Variants in GALK2 observed in about 807,000 individuals in gnomAD.
The protein encoded by GALK2 is N-acetylgalactosamine kinase.
GALK2 carries 36 observed loss-of-function variants against 52.4 expected under a neutral mutation model. That is an observed-to-expected ratio of 0.69 (90% CI 0.53 to 0.91). The LOEUF is 0.91. GALK2 is among the 40% of genes least tolerant of loss of function. The probability of loss-of-function intolerance (pLI) is 0.00; values close to 1 mark genes in which losing one functional copy is unlikely to be tolerated. For missense variants in GALK2, 579 were observed against 559.1 expected (o/e 1.04, Z -0.36); for synonymous variants, 176 against 199.1 (o/e 0.88, Z 0.98).
intron 3 of GALK2, among the ~76,000 whole-genome samples, chr15:49,230,509 C>T (rs759829053): frequency 1.3e-5 from 2 of 152,192 alleles, no homozygotes; most frequent in Non-Finnish European, 2.9e-5. Context: ...TTCTCTCTTA[C>T]ATGATCTATT....
chr15:49,182,283 A>G (rs2086032623), intron 1 of GALK2, among the ~76,000 whole-genome samples: 1 of 152,212 alleles, frequency 6.6e-6, no homozygotes, highest in African/African-American at 2.4e-5. Flanking sequence ...CACTTAACAT[A>G]ATGTCCCCCA....
intron 8 of GALK2, chr15:49,318,177 A>G (rs556372619): frequency 6.6e-6 from 1 of 152,368 alleles, no homozygotes; most frequent in South Asian, 2.1e-4. Flanking sequence ...GCAACTGTTC[A>G]GCATGGGTGA....
chr15:49,322,434 AT>A (rs546452258), intron 9 of GALK2, among the ~76,000 whole-genome samples: 3 of 152,046 alleles, frequency 2.0e-5, no homozygotes, highest in Non-Finnish European at 4.4e-5. Flanking sequence ...TATATAATTA[AT>A]TTTTTCTTTG....
At chr15:49,313,733 T>C (rs2036181210) in intron 8 of GALK2, among the ~76,000 whole-genome samples, 2 of 152,208 alleles carry the variant, frequency 1.3e-5, no homozygotes, top group African/African-American at 4.8e-5. Flanking sequence ...GAACTGTTGG[T>C]TAACTTTTGC....
intron 3 of GALK2, among the ~76,000 whole-genome samples, chr15:49,230,606 C>T (rs1346772558): frequency 1.3e-5 from 2 of 152,114 alleles, no homozygotes; most frequent in East Asian, 1.9e-4. Flanking sequence ...TCTGTGCCTC[C>T]GACTTCATAT....
rs1402990125 is a variant in GALK2, at chr15:49,361,962, A to G, written c.427-5529A>G. Reference sequence around the variant, plus strand: ...TCTAACTGGTCTGAGATGGTATCTCATCGTGGCTTTGATTTGCATTTCTCT... The same window carrying G: ...TCTAACTGGTCTGAGATGGTATCTCGTCGTGGCTTTGATTTGCATTTCTCT... On this transcript the variant is annotated intron_variant, in intron 3 of 3. Transcript: ENST00000558399. 3.9e-5 allele frequency among the ~76,000 whole-genome samples: 6 copies of G among 152,080 alleles called. No individual in the cohort carries two copies. The South Asian group carries it at 6.2e-4, about 16-fold the overall frequency.
At chr15:49,356,081 C>CT (rs200271808) in intron 3 of GALK2, among the ~76,000 whole-genome samples, 24,485 of 151,888 alleles carry the variant, frequency 0.16, 3,115 homozygotes, top group African/African-American at 0.35. Flanking sequence ...ACAAGAGCTC[C>CT]TGAAGGAAGC....
At chr15:49,248,588 A>G (rs1378856944) in intron 5 of GALK2, among the ~76,000 whole-genome samples, 2 of 152,182 alleles carry the variant, frequency 1.3e-5, no homozygotes, top group African/African-American at 4.8e-5. Context: ...ATGTGTTCTA[A>G]GTTTTAGGTT....
Position 49,217,306 on chromosome 15 carries a change from T to A in GALK2, c.259T>A (p.Leu87Met), listed in dbSNP as rs765995152. The change falls in exon 3 of 10, where the codon TTG (leucine) becomes ATG (methionine). Residue 87 changes from leucine to methionine, a missense_variant. Transcript: ENST00000560031. ...YALQLANTNP[L>M]YPDFSTSANN... ...TCTCCAACTGGCCAATACAAATCCCTTGTATCCGTGAGTATTTAAAATTGT... is the reference window on the plus strand; with the variant it reads ...TCTCCAACTGGCCAATACAAATCCCATGTATCCGTGAGTATTTAAAATTGT... 2 of 1,613,738 alleles carry A rather than the reference T, an allele frequency of 1.2e-6. No individual in the cohort carries two copies. The highest frequency in any genetic ancestry group is 4.5e-5 in the East Asian group (2 of 44,848).
intron 5 of GALK2, among the ~76,000 whole-genome samples, chr15:49,247,325 TGGA>T (rs2091400961): frequency 6.6e-6 from 1 of 152,098 alleles, no homozygotes; most frequent in Non-Finnish European, 1.5e-5. Context: ...GGAAAACCTT[TGGA>T]GGGCTGTGAG....
At chr15:49,265,789 T>C (rs1244490785) in intron 5 of GALK2, among the ~76,000 whole-genome samples, 1 of 152,230 alleles carries the variant, frequency 6.6e-6, no homozygotes, top group Non-Finnish European at 1.5e-5. Flanking sequence ...TGTTTGAATA[T>C]TCTTTGGGCT....
At chr15:49,183,042 G>A (rs988158782) in intron 1 of GALK2, among the ~76,000 whole-genome samples, 3 of 151,860 alleles carry the variant, frequency 2.0e-5, no homozygotes, top group Non-Finnish European at 2.9e-5. Context: ...TAGGACATTA[G>A]ACAAAAAAAA....
chr15:49,227,213 G>C (rs1438637874), intron 3 of GALK2, among the ~76,000 whole-genome samples: 1 of 152,152 alleles, frequency 6.6e-6, no homozygotes, highest in African/African-American at 2.4e-5. Flanking sequence ...CTGTAATGTT[G>C]AGAGTGGGCT....
intron 3 of GALK2, among the ~76,000 whole-genome samples, chr15:49,348,577 A>C (rs7180903): frequency 6.6e-6 from 1 of 152,224 alleles, no homozygotes; most frequent in African/African-American, 2.4e-5. Flanking sequence ...ACTCGGAGCC[A>C]GAGGCTGGAA....
At chr15:49,336,992 T>G (rs2039830455) in intron 3 of GALK2, among the ~76,000 whole-genome samples, 1 of 152,248 alleles carries the variant, frequency 6.6e-6, no homozygotes, top group South Asian at 2.1e-4. Context: ...GGCCTCCATC[T>G]GCATTCATGT....
intron 2 of GALK2, 143 bp downstream of exon 2, chr15:49,201,393 A>T: frequency 1.9e-6 from 1 of 532,374 alleles, no homozygotes; most frequent in Admixed American, 3.4e-5. Context: ...CCTTTGCATA[A>T]GGAACACACT....
intron 3 of GALK2, among the ~76,000 whole-genome samples, chr15:49,226,853 A>G (rs1050806567): frequency 6.6e-6 from 1 of 152,234 alleles, no homozygotes. Flanking sequence ...GTCATTCAGA[A>G]TAATGCTGTT....
At chr15:49,287,959 T>TTCCC (rs1555425586) in intron 7 of GALK2, among the ~76,000 whole-genome samples, 2 of 151,486 alleles carry the variant, frequency 1.3e-5, no homozygotes, top group Non-Finnish European at 3.0e-5. Context: ...CTCTGTCTCT[T>TTCCC]TCTCTCCATC....
intron 5 of GALK2, among the ~76,000 whole-genome samples, chr15:49,250,318 A>T (rs904506864): frequency 6.6e-6 from 1 of 152,218 alleles, no homozygotes; most frequent in African/African-American, 2.4e-5. Context: ...GCAGTATTGG[A>T]GACACAAAGA....
Sources: allele counts gnomAD v4.1 joint callset (sites outside exome capture counted in the v4.1 genomes callset), GRCh38; gene constraint gnomAD v4.1.1; transcripts MANE v1.5; gene names NCBI Gene and HGNC (gene_info 2026-07-23, HGNC 2026-07-21).